The following SYN2 variants were observed in gnomAD, a reference collection of about 807,000 sequenced individuals.
The protein encoded by SYN2 is synapsin-2.
In SYN2, 19 loss-of-function variants were observed where a neutral mutation model predicts 50.9. The ratio of observed to expected loss-of-function variants is 0.37; its 90% CI spans 0.26 to 0.55. The LOEUF (loss-of-function observed/expected upper bound fraction) is 0.55. SYN2 is among the 20% of genes least tolerant of loss of function. SYN2 has a pLI of 0.81. For missense variants in SYN2, 587 were observed against 576.4 expected, an observed-to-expected ratio of 1.02 and a Z score of -0.19; for synonymous variants, 255 against 224.9, an observed-to-expected ratio of 1.13 and a Z score of -1.20.
intron 1 of SYN2, among the ~76,000 whole-genome samples, chr3:12,124,537 A>G (rs769850109): frequency 6.6e-5 from 10 of 152,252 alleles, no homozygotes; most frequent in Non-Finnish European, 1.5e-4. Context: ...TACTTGCAAT[A>G]AGAAATTTCA....
At chr3:12,050,760 G>A (rs1179360322) in intron 1 of SYN2, among the ~76,000 whole-genome samples, 1 of 102,348 alleles carries the variant, frequency 9.8e-6, no homozygotes, top group Non-Finnish European at 1.8e-5. Context: ...ACGGAGTCTC[G>A]CTCTGTCGCC....
intron 1 of SYN2, among the ~76,000 whole-genome samples, chr3:12,083,347 A>T (rs928472589): frequency 6.6e-6 from 1 of 152,072 alleles, no homozygotes; most frequent in African/African-American, 2.4e-5. Flanking sequence ...AGACAGCTCT[A>T]TTTTTTACCT....
chr3:12,164,879 T>C (rs1697742611), intron 7 of SYN2, among the ~76,000 whole-genome samples: 1 of 152,174 alleles, frequency 6.6e-6, no homozygotes, highest in African/African-American at 2.4e-5. Flanking sequence ...TATATAATAT[T>C]TTTTCTAATA....
At chr3:12,154,561 G>A in intron 5 of SYN2, 1 of 1,241,734 alleles carries the variant, frequency 8.1e-7, no homozygotes, top group Non-Finnish European at 1.1e-6. Context: ...GACTTTGGTG[G>A]CAGTGGTGGC....
At chr3:12,020,154 G>C (rs1331573563) in intron 1 of SYN2, among the ~76,000 whole-genome samples, 1 of 152,110 alleles carries the variant, frequency 6.6e-6, no homozygotes, top group Non-Finnish European at 1.5e-5. Context: ...GAGTTGTCAG[G>C]AAAGAGGATT....
intron 1 of SYN2, among the ~76,000 whole-genome samples, chr3:12,123,178 G>A (rs1696598807): frequency 6.6e-6 from 1 of 152,112 alleles, no homozygotes. Flanking sequence ...TGGAAAAGAG[G>A]CAATATACAG....
chr3:12,078,418 A>T (rs1465438799), intron 1 of SYN2, among the ~76,000 whole-genome samples: 3 of 152,158 alleles, frequency 2.0e-5, no homozygotes, highest in Non-Finnish European at 4.4e-5. Context: ...ATTTTCTTCC[A>T]GGGATTTTAT....
chr3:12,116,154 A>G (rs1696429325), intron 1 of SYN2, among the ~76,000 whole-genome samples: 2 of 152,196 alleles, frequency 1.3e-5, no homozygotes, highest in African/African-American at 4.8e-5. Context: ...TCTGGCAATA[A>G]TGAACCCATA....
At chr3:12,070,666 C>T in intron 1 of SYN2, 2 of 1,245,458 alleles carry the variant, frequency 1.6e-6, no homozygotes, top group Non-Finnish European at 2.2e-6. Flanking sequence ...TCCCTCTATG[C>T]CTCTGGATGC....
At chr3:12,104,697 A>C (rs1696147763) in intron 1 of SYN2, among the ~76,000 whole-genome samples, 1 of 146,464 alleles carries the variant, frequency 6.8e-6, no homozygotes, top group Admixed American at 7.1e-5. Context: ...TCAGCCTCTC[A>C]AGTAGCTGGA....
chr3:12,136,176 A>G (rs931021749), intron 1 of SYN2, among the ~76,000 whole-genome samples: 2 of 152,254 alleles, frequency 1.3e-5, no homozygotes, highest in Non-Finnish European at 2.9e-5. Context: ...GGCTGTAGTC[A>G]TATTAAAATA....
At chr3:12,018,703 T>C (rs935486468) in intron 1 of SYN2, among the ~76,000 whole-genome samples, 3 of 152,222 alleles carry the variant, frequency 2.0e-5, no homozygotes, top group African/African-American at 7.2e-5. Context: ...AATCTCAGTT[T>C]CCTCATCCTT....
intron 5 of SYN2, chr3:12,154,370 C>T: frequency 6.2e-7 from 1 of 1,614,204 alleles, no homozygotes; most frequent in Non-Finnish European, 8.5e-7. Context: ...CAGACTTTCC[C>T]TCTGCACCAA....
intron 3 of SYN2, among the ~76,000 whole-genome samples, chr3:12,145,073 G>A (rs1697116897): frequency 6.6e-6 from 1 of 151,628 alleles, no homozygotes; most frequent in South Asian, 2.1e-4. Flanking sequence ...AAAAAGGAGA[G>A]TACCATAATA....
chr3:12,094,898 T>A (rs1225418687), intron 1 of SYN2, among the ~76,000 whole-genome samples: 1 of 152,134 alleles, frequency 6.6e-6, no homozygotes, highest in Non-Finnish European at 1.5e-5. Context: ...TGAGTTTAAT[T>A]ATATGTTGAA....
In SYN2 at chr3:12,183,293, T is replaced by G. The variant is rs539581821; in HGVS notation, c.1309-19T>G. Reference sequence around the variant, plus strand: ...TGGCTTGGAGTTTTGTTTTTATCTCTTACATTTTTGTCTTCCAGAGCGGAA... The same window carrying G: ...TGGCTTGGAGTTTTGTTTTTATCTCGTACATTTTTGTCTTCCAGAGCGGAA... On this transcript the variant is annotated intron_variant, in intron 10 of 12. Coordinates refer to ENST00000621198, the MANE Select transcript of SYN2 (RefSeq NM_133625.6). The G allele has an allele frequency of 1.9e-6, 3 of 1,594,794 alleles. No homozygotes were observed. The East Asian group carries it at 6.7e-5, about 36-fold the overall frequency.
intron 5 of SYN2, among the ~76,000 whole-genome samples, chr3:12,155,889 G>C (rs1193608681): frequency 6.6e-6 from 1 of 152,160 alleles, no homozygotes; most frequent in Non-Finnish European, 1.5e-5. Context: ...GAACTGCAGG[G>C]CTCAGTGGTG....
At chr3:12,184,524 G>T in intron 11 of SYN2, 1 of 985,798 alleles carries the variant, frequency 1.0e-6, no homozygotes, top group East Asian at 1.1e-4. Context: ...ACTTGAGTGG[G>T]TACACTGCCT....
At chr3:12,180,570 G>GC (rs1698198925) in intron 10 of SYN2, among the ~76,000 whole-genome samples, 1 of 152,216 alleles carries the variant, frequency 6.6e-6, no homozygotes, top group African/African-American at 2.4e-5. Flanking sequence ...TGTAGGTGGA[G>GC]CCAGGGTGTC....
Sources: gnomAD v4.1 joint callset for allele counts (sites outside exome capture counted in the v4.1 genomes callset) on GRCh38, gnomAD v4.1.1 for gene constraint, MANE v1.5 for transcripts, NCBI Gene and HGNC (gene_info 2026-07-23, HGNC 2026-07-21) for gene names.